Variants in CHSY3 observed in about 807,000 individuals in gnomAD.
CHSY3 encodes the protein N-acetylgalactosaminyl-proteoglycan 3-beta-glucuronosyltransferase 3.
Under a neutral mutation model 67.2 loss-of-function variants are expected in CHSY3, and 35 were observed. The observed-to-expected ratio is 0.52, with a 90% CI of 0.40 to 0.69. CHSY3 has a LOEUF of 0.69. CHSY3 is among the 30% of genes least tolerant of loss of function. The pLI, the probability that CHSY3 is intolerant of heterozygous loss-of-function variation, is 0.00. For synonymous variants in CHSY3, 474 were observed against 434.7 expected (o/e 1.09, Z -1.12); for missense variants, 1,069 against 1,138.5 (o/e 0.94, Z 0.88).
chr5:130,172,859 G>A (rs80195806), intron 2 of CHSY3, among the ~76,000 whole-genome samples: 1,635 of 152,060 alleles, frequency 0.011, 46 homozygotes, highest in East Asian at 0.08. Flanking sequence ...AGTATTTGTC[G>A]TTTTGTGACT....
At chr5:129,990,492 A>G (rs897987566) in intron 2 of CHSY3, among the ~76,000 whole-genome samples, 1 of 152,124 alleles carries the variant, frequency 6.6e-6, no homozygotes, top group Non-Finnish European at 1.5e-5. Flanking sequence ...CTGGTCATAC[A>G]GAAATTGAAT....
Position 129,973,658 on chromosome 5 carries a change from G to A in CHSY3, c.1086+65298G>A, listed in dbSNP as rs145137290. 3.8e-3 allele frequency among the ~76,000 whole-genome samples: 577 copies of A among 151,988 alleles called. 7 individuals carry two copies. The highest frequency in any genetic ancestry group is 0.013 in the African/African-American group (543 of 41,436). ...AATCTCCTTTCCTCAATTTTTACAG[G>A]CATTGCCTTGATTAAAGGCCTCATT... On this transcript the variant is annotated intron_variant, in intron 2 of 2. Coordinates refer to ENST00000305031, the MANE Select transcript of CHSY3 (RefSeq NM_175856.5).
chr5:130,043,283 A>G (rs1364127006), intron 2 of CHSY3, among the ~76,000 whole-genome samples: 3 of 151,912 alleles, frequency 2.0e-5, no homozygotes, highest in African/African-American at 4.8e-5. Context: ...AAATTAATAA[A>G]TAGATATTTA....
Position 129,905,597 on chromosome 5 carries a change from G to A in CHSY3, c.768G>A (p.Trp256Ter). ...MHDHYLDKYE[W>*]FMRADDDVYI... is the part of the protein sequence containing the mutation. ...ACCACTACCTGGACAAGTATGAGTG[G>A]TTCATGCGCGCCGACGACGATGTCT... The change falls in exon 1 of 3, where the codon TGG becomes TGA. Residue 256 changes from tryptophan to a stop codon, truncating the protein, a stop_gained. Coordinates refer to ENST00000305031, the MANE Select transcript of CHSY3 (RefSeq NM_175856.5). LOFTEE classifies it high-confidence loss of function. 1 of 1,613,754 alleles carries A rather than the reference G, an allele frequency of 6.2e-7. No homozygotes were observed. Among genetic ancestry groups the A allele is most frequent in the Non-Finnish European group, 8.5e-7 (1 of 1,180,012 alleles).
chr5:130,084,059 A>G (rs924012303), intron 2 of CHSY3, among the ~76,000 whole-genome samples: 3 of 151,998 alleles, frequency 2.0e-5, no homozygotes, highest in African/African-American at 7.2e-5. Flanking sequence ...CATTTAATGT[A>G]ATTTAGCCAC....
intron 2 of CHSY3, among the ~76,000 whole-genome samples, chr5:129,944,248 G>C (rs1304129729): frequency 3.9e-5 from 6 of 152,228 alleles, no homozygotes; most frequent in Non-Finnish European, 8.8e-5. Flanking sequence ...GTGGAAGAAG[G>C]AGGGAGAAGA....
chr5:129,992,665 A>C (rs892184280), intron 2 of CHSY3, among the ~76,000 whole-genome samples: 1 of 152,238 alleles, frequency 6.6e-6, no homozygotes, highest in Non-Finnish European at 1.5e-5. Flanking sequence ...AAAAATTTTT[A>C]CCAGTAGTCC....
chr5:130,128,229 G>GGTGTGT (rs112570550), intron 2 of CHSY3, among the ~76,000 whole-genome samples: 5,126 of 147,412 alleles, frequency 0.035, 205 homozygotes, highest in African/African-American at 0.1. Context: ...AAGAAAATGT[G>GGTGTGT]GTGTGTGTGT....
chr5:129,914,772 T>G (rs1179338385), intron 2 of CHSY3, among the ~76,000 whole-genome samples: 1 of 152,256 alleles, frequency 6.6e-6, no homozygotes, highest in African/African-American at 2.4e-5. Flanking sequence ...TAGTTCATTT[T>G]TATCACTAAC....
chr5:130,152,828 T>C (rs1455056022), intron 2 of CHSY3, among the ~76,000 whole-genome samples: 1 of 152,204 alleles, frequency 6.6e-6, no homozygotes, highest in Non-Finnish European at 1.5e-5. Flanking sequence ...AAGAAATTAT[T>C]ACAAACCATT....
At chr5:130,017,190 T>C (rs952300081) in intron 2 of CHSY3, among the ~76,000 whole-genome samples, 6 of 152,216 alleles carry the variant, frequency 3.9e-5, no homozygotes, top group South Asian at 4.2e-4. Flanking sequence ...GTTTTTTTTT[T>C]CCATTTGTTT....
At position 129,984,463 on chromosome 5, in the gene CHSY3, A is replaced by C. The variant is rs913931883; in HGVS notation, c.1086+76103A>C. ...ATATAGGTTGATTCCACATCTTTGC[A>C]ACAGTCAGCACTGCTATGACACACA... On this transcript the variant is annotated intron_variant, in intron 2 of 2. Coordinates refer to ENST00000305031, the MANE Select transcript of CHSY3 (RefSeq NM_175856.5). 3.3e-5 allele frequency among the ~76,000 whole-genome samples: 5 copies of C among 151,854 alleles called. 1 individual carries two copies. Among genetic ancestry groups the C allele is most frequent in the African/African-American group, 1.2e-4 (5 of 41,412 alleles).
intron 2 of CHSY3, among the ~76,000 whole-genome samples, chr5:130,068,652 G>A (rs1028049800): frequency 1.1e-4 from 16 of 152,060 alleles, no homozygotes; most frequent in Admixed American, 6.6e-4. Context: ...AATAAGTACC[G>A]TATAGCAATT....
chr5:130,096,414 G>A (rs188852040), intron 2 of CHSY3, among the ~76,000 whole-genome samples: 29 of 152,136 alleles, frequency 1.9e-4, no homozygotes, highest in East Asian at 1.7e-3. Flanking sequence ...CTCATAATCC[G>A]CCTGCCTCAG....
chr5:130,112,319 A>G (rs527389172), intron 2 of CHSY3, among the ~76,000 whole-genome samples: 310 of 152,270 alleles, frequency 2.0e-3, no homozygotes, highest in Non-Finnish European at 3.5e-3. Flanking sequence ...GACTTCAGAA[A>G]TGAACTTTGG....
chr5:130,080,356 T>C (rs1221558037), intron 2 of CHSY3, among the ~76,000 whole-genome samples: 1 of 152,072 alleles, frequency 6.6e-6, no homozygotes, highest in Non-Finnish European at 1.5e-5. Flanking sequence ...TCTATCTGCA[T>C]TGATTGTAGC....
At chr5:129,984,637 C>A (rs1037345846) in intron 2 of CHSY3, among the ~76,000 whole-genome samples, 1 of 152,088 alleles carries the variant, frequency 6.6e-6, no homozygotes, top group Non-Finnish European at 1.5e-5. Context: ...TTTACATTAC[C>A]CCAGAACTGT....
Position 129,908,347 on chromosome 5 carries a change from T to C in CHSY3, c.1073T>C (p.Val358Ala). 1 of 1,613,946 alleles carries C rather than the reference T, an allele frequency of 6.2e-7. No individual in the cohort carries two copies. Among genetic ancestry groups the C allele is most frequent in the Non-Finnish European group, 8.5e-7 (1 of 1,179,824 alleles). Reference protein sequence around the residue: ...CVRRFGGTQCVWSYEMQQLFH... With the variant: ...CVRRFGGTQCAWSYEMQQLFH... ...CGCCGTTTTGGTGGGACTCAGTGTGTCTGGTCTTACGAGGTAAGCATGGAG... is the reference window on the plus strand; with the variant it reads ...CGCCGTTTTGGTGGGACTCAGTGTGCCTGGTCTTACGAGGTAAGCATGGAG... Residue 358 changes from valine to alanine, a missense_variant, in exon 2 of 3, where the codon GTC (valine) becomes GCC (alanine). Around this residue, in one of 5 missense-constraint regions of CHSY3, gnomAD observed 216 missense variants for 311.5 expected, o/e 0.69. Transcript: ENST00000305031.
intron 2 of CHSY3, among the ~76,000 whole-genome samples, chr5:130,020,453 ATATATATAT>A (rs1293652739): frequency 1.3e-4 from 1 of 7,930 alleles, no homozygotes; most frequent in African/African-American, 4.6e-4. Flanking sequence ...ATATATATAT[ATATATATAT>A]TTTTTTTTTT....
Sources: allele counts gnomAD v4.1 joint callset (sites outside exome capture counted in the v4.1 genomes callset), GRCh38; gene constraint gnomAD v4.1.1; regional missense constraint gnomAD v4.1.1; transcripts MANE v1.5; gene names NCBI Gene and HGNC (gene_info 2026-07-23, HGNC 2026-07-21).